ADAMTS6: variants seen among roughly 807,000 people sequenced by gnomAD.
ADAMTS6 encodes the protein ADAM metallopeptidase with thrombospondin type 1 motif 6.
ADAMTS6 carries 23 observed loss-of-function variants against 144.3 expected under a neutral mutation model. The ratio of observed to expected loss-of-function variants is 0.16; its 90% confidence interval spans 0.11 to 0.23. The LOEUF is 0.23. Among genes scored for constraint, ADAMTS6 ranks in the 10% least tolerant of loss-of-function variants. The probability of loss-of-function intolerance (pLI) is 1.00; values close to 1 mark genes in which losing one functional copy is unlikely to be tolerated. For synonymous variants in ADAMTS6, 444 were observed against 457.5 expected (o/e 0.97, Z 0.38); for missense variants, 999 against 1,379.6 (o/e 0.72, Z 4.37).
At chr5:65,307,969 C>A (rs915794051) in intron 9 of ADAMTS6, among the ~76,000 whole-genome samples, 5 of 152,200 alleles carry the variant, frequency 3.3e-5, no homozygotes, top group Admixed American at 6.5e-5. Flanking sequence ...ACACTTACAG[C>A]AATCCACAGG....
chr5:65,288,164 CA>C (rs1461896349), intron 11 of ADAMTS6, among the ~76,000 whole-genome samples: 6 of 152,190 alleles, frequency 3.9e-5, no homozygotes, highest in Admixed American at 3.3e-4. Context: ...ACTAAGAATT[CA>C]GGCAAGATTT....
At chr5:65,457,745 C>CTTTTTTTTTTT (rs1180960588) in intron 4 of ADAMTS6, among the ~76,000 whole-genome samples, 1 of 97,438 alleles carries the variant, frequency 1.0e-5, no homozygotes, top group East Asian at 2.8e-4. Context: ...TTCTTTCTTT[C>CTTTTTTTTTTT]TTTTTTTTTT....
At chr5:65,390,542 T>G (rs1752829604) in intron 7 of ADAMTS6, among the ~76,000 whole-genome samples, 1 of 152,214 alleles carries the variant, frequency 6.6e-6, no homozygotes, top group South Asian at 2.1e-4. Context: ...ATAAATTCAG[T>G]CATTCAGGCC....
intron 12 of ADAMTS6, among the ~76,000 whole-genome samples, chr5:65,267,872 T>G (rs754054790): frequency 3.5e-4 from 54 of 152,234 alleles, no homozygotes; most frequent in Non-Finnish European, 6.3e-4. Context: ...AAGAGCTGAG[T>G]GTTGGAGCAC....
intron 7 of ADAMTS6, among the ~76,000 whole-genome samples, chr5:65,444,861 T>C (rs1758141131): frequency 6.6e-6 from 1 of 152,174 alleles, no homozygotes; most frequent in Admixed American, 6.5e-5. Context: ...TTCTACTAAT[T>C]ACTGTGTGAC....
At chr5:65,324,406 A>G (rs573418955) in intron 9 of ADAMTS6, among the ~76,000 whole-genome samples, 18 of 152,254 alleles carry the variant, frequency 1.2e-4, no homozygotes, top group Non-Finnish European at 4.4e-5. Flanking sequence ...AGCAAACCAC[A>G]GAAGAAAAAT....
At position 65,245,268 on chromosome 5, in the gene ADAMTS6, T is replaced by A. The variant is rs557825626; in HGVS notation, c.1831-3062A>T. On this transcript the variant is annotated intron_variant, in intron 14 of 24. Coordinates refer to ENST00000381055, the MANE Select transcript of ADAMTS6 (RefSeq NM_197941.4). ...CCAGGCTTTTTTGTCAGCTGACTTA[T>A]GGTTGGGTTCAGGTAATGGGAGGCA... Among the ~76,000 whole-genome samples, 6 of 152,240 alleles carry A rather than the reference T, an allele frequency of 3.9e-5. 1 individual carries two copies. In the South Asian group the frequency reaches 1.2e-3, roughly 32 times the overall value.
intron 7 of ADAMTS6, among the ~76,000 whole-genome samples, chr5:65,425,766 T>G (rs866095315): frequency 1.3e-4 from 19 of 151,846 alleles, no homozygotes; most frequent in East Asian, 1.2e-3. Context: ...TAGTGCTGCT[T>G]CTTTTTTTTT....
At chr5:65,335,496 T>C (rs1215292006) in intron 7 of ADAMTS6, among the ~76,000 whole-genome samples, 4 of 152,310 alleles carry the variant, frequency 2.6e-5, no homozygotes, top group Admixed American at 2.6e-4. Flanking sequence ...TCTAGCAGTC[T>C]TCAAGAAAAC....
In ADAMTS6 at chr5:65,399,395, T is replaced by C. The variant is rs536831576; in HGVS notation, c.1073+52080A>G. ...ATATTTATTAATACAGTTGGATTAA[T>C]ATCTACCGAATTTGTTGCTCTTGTT... On this transcript the variant is annotated intron_variant, in intron 7 of 24. Transcript: ENST00000381055. Among the ~76,000 whole-genome samples, 5 of 152,390 alleles carry C rather than the reference T, an allele frequency of 3.3e-5. No homozygotes were observed. The East Asian group carries it at 9.6e-4, about 29-fold the overall frequency.
At chr5:65,367,885 T>C (rs1487812213) in intron 7 of ADAMTS6, among the ~76,000 whole-genome samples, 1 of 151,770 alleles carries the variant, frequency 6.6e-6, no homozygotes, top group East Asian at 1.9e-4. Flanking sequence ...TGTGTATATA[T>C]ATATGTGTAT....
chr5:65,463,562 C>G (rs926077273), intron 3 of ADAMTS6, among the ~76,000 whole-genome samples: 4 of 152,216 alleles, frequency 2.6e-5, no homozygotes, highest in Non-Finnish European at 5.9e-5. Flanking sequence ...TGCCTCAGGA[C>G]TATTAGGGCT....
At chr5:65,394,266 C>A (rs1296156875) in intron 7 of ADAMTS6, among the ~76,000 whole-genome samples, 1 of 152,110 alleles carries the variant, frequency 6.6e-6, no homozygotes, top group Non-Finnish European at 1.5e-5. Context: ...TGGACAAAAG[C>A]CCAAACTAGT....
At chr5:65,457,133 AGAACATAGG>A (rs1226945531) in intron 4 of ADAMTS6, among the ~76,000 whole-genome samples, 1 of 152,244 alleles carries the variant, frequency 6.6e-6, no homozygotes, top group Non-Finnish European at 1.5e-5. Flanking sequence ...ACACTTGCCC[AGAACATAGG>A]GAAATACTAT....
At chr5:65,226,520 T>A (rs1480767066) in intron 15 of ADAMTS6, among the ~76,000 whole-genome samples, 1 of 151,900 alleles carries the variant, frequency 6.6e-6, no homozygotes, top group Non-Finnish European at 1.5e-5. Flanking sequence ...ATTATATATT[T>A]ACAATTTTGG....
At chr5:65,463,268 A>G (rs1483006724) in intron 3 of ADAMTS6, among the ~76,000 whole-genome samples, 1 of 152,144 alleles carries the variant, frequency 6.6e-6, no homozygotes, top group African/African-American at 2.4e-5. Context: ...CCTGAAAAAA[A>G]TGAGGGAGCA....
intron 12 of ADAMTS6, among the ~76,000 whole-genome samples, chr5:65,265,256 TGAA>T (rs956618082): frequency 6.6e-6 from 1 of 152,214 alleles, no homozygotes; most frequent in Middle Eastern, 3.4e-3. Flanking sequence ...TTCAGAATGA[TGAA>T]GAAGAGGCAG....
chr5:65,284,424 A>T (rs1763213167), intron 11 of ADAMTS6, among the ~76,000 whole-genome samples: 1 of 152,026 alleles, frequency 6.6e-6, no homozygotes, highest in Non-Finnish European at 1.5e-5. Context: ...TTACTGAATA[A>T]TTTTTCAATA....
At chr5:65,430,468 A>G (rs1452480070) in intron 7 of ADAMTS6, among the ~76,000 whole-genome samples, 2 of 152,168 alleles carry the variant, frequency 1.3e-5, no homozygotes, top group Admixed American at 6.6e-5. Flanking sequence ...CTTTCGGAAC[A>G]TTTAAAACCA....
Sources: gnomAD v4.1 joint callset for allele counts (sites outside exome capture counted in the v4.1 genomes callset) on GRCh38, gnomAD v4.1.1 for gene constraint, MANE v1.5 for transcripts, NCBI Gene and HGNC (gene_info 2026-07-23, HGNC 2026-07-21) for gene names.